Variants in MAP3K5 observed in about 807,000 individuals in gnomAD.
MAP3K5 encodes the protein mitogen-activated protein kinase kinase kinase 5.
MAP3K5 carries 56 observed loss-of-function variants against 158.7 expected under a neutral mutation model. That is an observed-to-expected ratio of 0.35 (90% CI 0.28 to 0.44). MAP3K5 has a LOEUF of 0.44. Ranked by LOEUF, MAP3K5 falls within the 20% of genes least tolerant of loss-of-function variation. The probability of loss-of-function intolerance (pLI) is 1.00; values close to 1 mark genes in which losing one functional copy is unlikely to be tolerated. For missense variants in MAP3K5, 1,294 were observed against 1,674.8 expected (o/e 0.77, Z 3.97); for synonymous variants, 579 against 601.7 (o/e 0.96, Z 0.55).
intron 7 of MAP3K5, among the ~76,000 whole-genome samples, chr6:136,671,184 T>C (rs1352324992): frequency 6.6e-6 from 1 of 152,164 alleles, no homozygotes; most frequent in Non-Finnish European, 1.5e-5. Flanking sequence ...GAAATGTCTC[T>C]TAAAGATATG....
rs779103210 is a variant in MAP3K5 at position 136,698,682 on chromosome 6, T to G, written c.613A>C (p.Met205Leu). Reference sequence around the variant, plus strand: ...ACAAAGGTGTAGTTCCCAGTGCACATCTGCGGAGAGAGGAGGCATCGGCAA... The same window carrying G: ...ACAAAGGTGTAGTTCCCAGTGCACAGCTGCGGAGAGAGGAGGCATCGGCAA... Reference protein sequence around the residue: ...LKEIICQKNTMCTGNYTFVPY... With the variant: ...LKEIICQKNTLCTGNYTFVPY... Residue 205 changes from methionine to leucine, a missense_variant and splice_region_variant, in exon 4 of 30, where the codon ATG becomes CTG. Transcript: ENST00000359015. 4.2e-5 allele frequency: 68 copies of G among 1,606,562 alleles called. No homozygotes were observed. The highest frequency in any genetic ancestry group is 5.8e-5 in the Non-Finnish European group (68 of 1,173,934).
At chr6:136,773,940 A>T (rs1180340931) in intron 1 of MAP3K5, among the ~76,000 whole-genome samples, 1 of 152,148 alleles carries the variant, frequency 6.6e-6, no homozygotes, top group Admixed American at 6.5e-5. Flanking sequence ...CATTACAGGC[A>T]TGAGTCACCA....
At chr6:136,756,578 T>C (rs1783501300) in intron 1 of MAP3K5, among the ~76,000 whole-genome samples, 1 of 152,154 alleles carries the variant, frequency 6.6e-6, no homozygotes, top group Non-Finnish European at 1.5e-5. Flanking sequence ...TTGCCTGTGT[T>C]GTACTCATCT....
intron 1 of MAP3K5, among the ~76,000 whole-genome samples, chr6:136,763,996 C>T (rs1582663282): frequency 6.6e-6 from 1 of 152,180 alleles, no homozygotes; most frequent in African/African-American, 2.4e-5. Context: ...TGGACTTCTC[C>T]ACCTCCAGAA....
chr6:136,726,853 T>C (rs1781990590), intron 1 of MAP3K5, among the ~76,000 whole-genome samples: 1 of 152,196 alleles, frequency 6.6e-6, no homozygotes, highest in South Asian at 2.1e-4. Context: ...AGTTATAACT[T>C]CTAGAAGCTT....
At chr6:136,670,100 T>C (rs1240071574) in intron 7 of MAP3K5, among the ~76,000 whole-genome samples, 3 of 152,116 alleles carry the variant, frequency 2.0e-5, no homozygotes, top group Non-Finnish European at 4.4e-5. Flanking sequence ...AGCAGAGATG[T>C]AGAGTATGTC....
intron 2 of MAP3K5, among the ~76,000 whole-genome samples, chr6:136,711,132 T>C (rs1189757128): frequency 6.6e-6 from 1 of 151,986 alleles, no homozygotes. Flanking sequence ...CAAAGTACTT[T>C]TGTGTTTACA....
rs1583177051 is a variant in MAP3K5 at position 136,557,625 on chromosome 6, T to C, written c.*133A>G. 1.7e-6 allele frequency: 1 copy of C among 591,936 alleles called. No homozygotes were observed. The highest frequency in any genetic ancestry group is 3.0e-6 in the Non-Finnish European group (1 of 335,882). 36.7% of individuals were successfully genotyped at this position (591,936 alleles called of 1,614,324 possible). On this transcript the variant is annotated 3_prime_UTR_variant, in exon 30 of 30. Coordinates refer to ENST00000359015, the MANE Select transcript of MAP3K5 (RefSeq NM_005923.4). The stretch of plus-strand genomic sequence containing the variant: ...GTGTGTTTTGTCTGTTTTTTTTTTT[T>C]TTAACATGAGTAAACAAATACTGGA...
intron 2 of MAP3K5, among the ~76,000 whole-genome samples, chr6:136,706,919 C>T (rs935259695): frequency 3.3e-5 from 5 of 152,138 alleles, no homozygotes; most frequent in African/African-American, 7.2e-5. Context: ...AGGCTAAGGC[C>T]GGAAGATCAC....
At chr6:136,585,839 A>G (rs974464979) in intron 23 of MAP3K5, among the ~76,000 whole-genome samples, 1 of 152,332 alleles carries the variant, frequency 6.6e-6, no homozygotes, top group Non-Finnish European at 1.5e-5. Context: ...GAAGCACAGT[A>G]GGATGTTATT....
At chr6:136,688,536 T>C (rs1780252705) in intron 7 of MAP3K5, among the ~76,000 whole-genome samples, 1 of 152,210 alleles carries the variant, frequency 6.6e-6, no homozygotes, top group Admixed American at 6.5e-5. Flanking sequence ...CAATTTGACC[T>C]GAAGACCTTG....
In MAP3K5 at chr6:136,663,606, C is replaced by CTT. The variant is rs145415185; in HGVS notation, c.1367-4230_1367-4229dup. ...AGTTTTTATGTCTCTAAATTTCTCA[C>CTT]TTTTTTTTTTTTTTTTTTTTGGAGA... On this transcript the variant is annotated intron_variant, in intron 8 of 29. Transcript: ENST00000359015. Among the ~76,000 whole-genome samples, 294 of 121,466 alleles carry CTT rather than the reference C, an allele frequency of 2.4e-3. 10 individuals carry two copies. In the East Asian group the frequency reaches 0.041, roughly 17 times the overall value. 79.7% of individuals were successfully genotyped at this position (121,466 alleles called of 152,430 possible). A position where few individuals can be genotyped will look rare whatever the true frequency, so the allele number is the denominator to read the frequency against.
At chr6:136,561,041 C>T (rs1326351696) in intron 28 of MAP3K5, among the ~76,000 whole-genome samples, 1 of 151,284 alleles carries the variant, frequency 6.6e-6, no homozygotes, top group Non-Finnish European at 1.5e-5. Context: ...TTCTTTTAGT[C>T]CTGTCTTTAT....
chr6:136,642,577 A>G lies in MAP3K5; in HGVS notation c.1789-8T>C, dbSNP rs762289224. ...CCACTCATGTATACCTTTCTAGAAC[A>G]ACAACAAGAAAATATACTGAGTCAT... On this transcript the variant is annotated splice_region_variant and splice_polypyrimidine_tract_variant and intron_variant, in intron 11 of 29. Coordinates refer to ENST00000359015, the MANE Select transcript of MAP3K5 (RefSeq NM_005923.4). 4.4e-6 allele frequency: 7 copies of G among 1,586,594 alleles called. No individual in the cohort carries two copies. The Admixed American group carries it at 1.2e-4, about 27-fold the overall frequency.
At chr6:136,615,066 A>G (rs1011944042) in intron 15 of MAP3K5, among the ~76,000 whole-genome samples, 2 of 152,202 alleles carry the variant, frequency 1.3e-5, no homozygotes, top group Non-Finnish European at 2.9e-5. Flanking sequence ...ACTTTTGATG[A>G]TTATTGGAAG....
intron 19 of MAP3K5, among the ~76,000 whole-genome samples, chr6:136,603,357 T>A (rs1583256047): frequency 6.6e-6 from 1 of 150,402 alleles, no homozygotes; most frequent in East Asian, 2.0e-4. Flanking sequence ...TTTTTTTTTT[T>A]AGTAGAGATG....
At chr6:136,569,465 C>A (rs1313793177) in intron 25 of MAP3K5, among the ~76,000 whole-genome samples, 1 of 152,164 alleles carries the variant, frequency 6.6e-6, no homozygotes, top group Non-Finnish European at 1.5e-5. Flanking sequence ...TCAAGCATTT[C>A]TTTATGCTGA....
chr6:136,639,732 T>C (rs1777830184), intron 12 of MAP3K5, 94 bp from the exon 13 acceptor site: 3 of 630,800 alleles, frequency 4.8e-6, no homozygotes, highest in Admixed American at 6.8e-5. Context: ...TCAATCCCAT[T>C]TATATCAATG....
At chr6:136,682,967 C>T (rs1460185431) in intron 7 of MAP3K5, among the ~76,000 whole-genome samples, 4 of 151,866 alleles carry the variant, frequency 2.6e-5, no homozygotes, top group African/African-American at 9.7e-5. Context: ...TATTTTAGAA[C>T]AAGGGAAATT....
Sources: gnomAD v4.1 joint callset for allele counts (sites outside exome capture counted in the v4.1 genomes callset) on GRCh38, gnomAD v4.1.1 for gene constraint, MANE v1.5 for transcripts, NCBI Gene and HGNC (gene_info 2026-07-23, HGNC 2026-07-21) for gene names.